Variants in AKAP13 observed in about 807,000 individuals in gnomAD.
AKAP13 encodes the protein A-kinase anchor protein 13.
In AKAP13, 80 loss-of-function variants were observed where a neutral mutation model predicts 264.5. The ratio of observed to expected loss-of-function variants is 0.30; its 90% CI spans 0.25 to 0.36. The LOEUF is 0.36. Among genes scored for constraint, AKAP13 ranks in the 10% least tolerant of loss-of-function variants. The probability of loss-of-function intolerance (pLI) is 1.00; values close to 1 mark genes in which losing one functional copy is unlikely to be tolerated. For synonymous variants in AKAP13, 1,380 were observed against 1,250.2 expected (o/e 1.10, Z -2.19); for missense variants, 3,712 against 3,435.2 (o/e 1.08, Z -2.01).
In AKAP13 at chr15:85,717,458, A is replaced by G. The variant is rs115297862; in HGVS notation, c.5848+56A>G. 2,915 of 1,203,784 alleles carry G rather than the reference A, an allele frequency of 2.4e-3. 51 individuals carry two copies. In the African/African-American group the frequency reaches 0.038, roughly 16 times the overall value. The allele number at this position is 1,203,784 out of a possible 1,614,324, so 74.6% of individuals were successfully genotyped here. A position where few individuals can be genotyped will look rare whatever the true frequency, so the allele number is the denominator to read the frequency against. ...CCTCTGTAGGGACTGTGTGTGTGTC[A>G]TTACCTAGAACATAAGTCTTAATGG... is the stretch of plus-strand genomic sequence containing the variant. On this transcript the variant is annotated intron_variant, in intron 21 of 36. Transcript: ENST00000394518.
chr15:85,653,308 C>A (rs1374606430), intron 10 of AKAP13, among the ~76,000 whole-genome samples: 1 of 152,138 alleles, frequency 6.6e-6, no homozygotes, highest in East Asian at 1.9e-4. Context: ...CAGAATAGGG[C>A]AATTTGAGTT....
chr15:85,563,329 G>GTTTTTT (rs1184437606), intron 5 of AKAP13, among the ~76,000 whole-genome samples: 10 of 54,180 alleles, frequency 1.8e-4, no homozygotes, highest in East Asian at 4.4e-4. Context: ...GAATGTGCTT[G>GTTTTTT]TTTTTTTTTT....
At chr15:85,740,086 T>TTATTTA in intron 33 of AKAP13, 136 bp from the exon 34 acceptor site, 1 of 936,804 alleles carries the variant, frequency 1.1e-6, no homozygotes, top group Admixed American at 2.7e-5. Flanking sequence ...GTGCTTTCAA[T>TTATTTA]TTGAAAATAT....
chr15:85,585,958 A>C, intron 8 of AKAP13, 135 bp downstream of exon 8: 1 of 1,212,454 alleles, frequency 8.2e-7, no homozygotes, highest in Non-Finnish European at 1.1e-6. Context: ...TTGTGCTGTT[A>C]TATAAATGTG....
chr15:85,490,465 C>T (rs569407414), intron 2 of AKAP13, among the ~76,000 whole-genome samples: 1 of 152,300 alleles, frequency 6.6e-6, no homozygotes, highest in East Asian at 1.9e-4. Flanking sequence ...TGAGTCTTCT[C>T]TAAGAAATTG....
chr15:85,687,385 G>A (rs1380293602), intron 16 of AKAP13, among the ~76,000 whole-genome samples: 1 of 152,190 alleles, frequency 6.6e-6, no homozygotes, highest in Non-Finnish European at 1.5e-5. Context: ...AAGGACAGGA[G>A]AAAACATATT....
At chr15:85,624,986 T>C (rs934240078) in intron 8 of AKAP13, among the ~76,000 whole-genome samples, 21 of 152,302 alleles carry the variant, frequency 1.4e-4, no homozygotes, top group African/African-American at 5.1e-4. Flanking sequence ...GTTTGGATGT[T>C]GAATACCTGC....
chr15:85,426,615 C>T (rs1346885041), intron 1 of AKAP13, among the ~76,000 whole-genome samples: 2 of 152,084 alleles, frequency 1.3e-5, no homozygotes, highest in Non-Finnish European at 2.9e-5. Flanking sequence ...TCTTAGTTCT[C>T]AGTGTCATTC....
chr15:85,669,097 G>A (rs555102814), intron 13 of AKAP13, among the ~76,000 whole-genome samples: 74 of 152,238 alleles, frequency 4.9e-4, no homozygotes, highest in African/African-American at 1.7e-3. Context: ...TTAGCTGCGC[G>A]TGGTGGCGCG....
chr15:85,393,428 T>G (rs1205885451), intron 1 of AKAP13, among the ~76,000 whole-genome samples: 1 of 152,256 alleles, frequency 6.6e-6, no homozygotes, highest in Non-Finnish European at 1.5e-5. Context: ...CATGGGTCAG[T>G]GGGCAGTAAT....
At chr15:85,422,964 TC>T (rs368627917) in intron 1 of AKAP13, among the ~76,000 whole-genome samples, 1 of 152,266 alleles carries the variant, frequency 6.6e-6, no homozygotes, top group African/African-American at 2.4e-5. Flanking sequence ...GTTTTTTGTT[TC>T]CCGGTGCATA....
chr15:85,399,502 C>CAAAAAA (rs71138392), intron 1 of AKAP13, among the ~76,000 whole-genome samples: 32 of 77,062 alleles, frequency 4.2e-4, no homozygotes, highest in African/African-American at 7.8e-4. Flanking sequence ...GACTCCGTCT[C>CAAAAAA]AAAAAAAAAA....
At chr15:85,680,179 C>T (rs11637768) in intron 14 of AKAP13, among the ~76,000 whole-genome samples, 28,494 of 152,086 alleles carry the variant, frequency 0.19, 3,541 homozygotes, top group Middle Eastern at 0.41. Flanking sequence ...AGGGTGGTAA[C>T]TTACTAGGTA....
intron 1 of AKAP13, among the ~76,000 whole-genome samples, chr15:85,405,159 G>T (rs1379914126): frequency 6.6e-6 from 1 of 152,046 alleles, no homozygotes; most frequent in Non-Finnish European, 1.5e-5. Context: ...ACTTAGTTTT[G>T]TCTTGGTGTC....
intron 1 of AKAP13, among the ~76,000 whole-genome samples, chr15:85,445,123 A>C (rs903725027): frequency 7.2e-5 from 11 of 152,230 alleles, no homozygotes; most frequent in Non-Finnish European, 1.6e-4. Context: ...CTATCTGATC[A>C]AAAAAACCTA....
intron 8 of AKAP13, among the ~76,000 whole-genome samples, chr15:85,595,247 G>A (rs974754812): frequency 1.3e-5 from 2 of 151,790 alleles, no homozygotes; most frequent in South Asian, 2.1e-4. Context: ...CCACAGGTGC[G>A]AGCCACCACA....
At chr15:85,696,178 C>G (rs938208373) in intron 17 of AKAP13, among the ~76,000 whole-genome samples, 2 of 152,090 alleles carry the variant, frequency 1.3e-5, no homozygotes, top group Non-Finnish European at 2.9e-5. Flanking sequence ...GTCTTTGATT[C>G]ATGACTTCTT....
chr15:85,512,286 C>T lies in AKAP13; in HGVS notation c.34-9142C>T, dbSNP rs2076451623. On this transcript the variant is annotated intron_variant, in intron 2 of 36. Coordinates refer to ENST00000394518, the MANE Select transcript of AKAP13 (RefSeq NM_007200.5). ...TAATTGCACATCTCTCTGACTTTGTCACACGTTTGGACCCAAGCAACACGT... is the reference window on the plus strand; with the variant it reads ...TAATTGCACATCTCTCTGACTTTGTTACACGTTTGGACCCAAGCAACACGT... Among the ~76,000 whole-genome samples, 3 of 152,156 alleles carry T rather than the reference C, an allele frequency of 2.0e-5. No homozygotes were observed. In the South Asian group the frequency reaches 6.2e-4, roughly 32 times the overall value.
rs538887948 is a variant in AKAP13, at chr15:85,569,008, G to A, written c.663-6123G>A. ...ATTTGAAATAAGGAGCTGAATGGGG[G>A]AAGCATTGCAAACACGAAGTCAACA... On this transcript the variant is annotated intron_variant, in intron 5 of 36. Transcript: ENST00000394518. 2.4e-4 allele frequency among the ~76,000 whole-genome samples: 36 copies of A among 152,298 alleles called. 1 individual carries two copies. The highest frequency in any genetic ancestry group is 8.2e-4 in the African/African-American group (34 of 41,550).
Sources: allele counts gnomAD v4.1 joint callset (sites outside exome capture counted in the v4.1 genomes callset), GRCh38; gene constraint gnomAD v4.1.1; transcripts MANE v1.5; gene names NCBI Gene and HGNC (gene_info 2026-07-23, HGNC 2026-07-21).